The following HNRNPA1L2 variants were observed in gnomAD, a reference collection of about 807,000 sequenced individuals.
The protein encoded by HNRNPA1L2 is heterogeneous nuclear ribonucleoprotein A1-like 2.
HNRNPA1L2 carries 10 observed loss-of-function variants against 18.2 expected under a neutral mutation model. The ratio of observed to expected loss-of-function variants is 0.55; its 90% CI spans 0.34 to 0.93. HNRNPA1L2 has a LOEUF of 0.93. HNRNPA1L2 is among the 40% of genes least tolerant of loss of function. The probability of loss-of-function intolerance (pLI) is 0.02; values close to 1 mark genes in which losing one functional copy is unlikely to be tolerated. For missense variants in HNRNPA1L2, 308 were observed against 394.4 expected (o/e 0.78, Z 1.85); for synonymous variants, 124 against 138.6 (o/e 0.89, Z 0.74).
chr13:52,634,381 T>G, the HNRNPA1L2 span, among the ~76,000 whole-genome samples: 1 of 152,204 alleles, frequency 6.6e-6, no homozygotes, highest in East Asian at 1.9e-4. Context: ...CAAGAAGGCA[T>G]TTAAATTTTA....
At chr13:52,630,864 A>G in the HNRNPA1L2 span, among the ~76,000 whole-genome samples, 1 of 152,334 alleles carries the variant, frequency 6.6e-6, no homozygotes, top group South Asian at 2.1e-4. Flanking sequence ...AAGAATGTTT[A>G]ACTGAGTCAG....
At chr13:52,639,694 CAA>C (rs10661534), upstream of HNRNPA1L2, among the ~76,000 whole-genome samples, 16 of 73,530 alleles carry the variant, frequency 2.2e-4, no homozygotes, top group Admixed American at 1.1e-3. Context: ...GACCCTGTCT[CAA>C]AAAAAAAAAA....
chr13:52,642,823 G>A lies in HNRNPA1L2; in HGVS notation c.331G>A (p.Gly111Ser). The change falls in exon 1 of 1, where the codon GGC (glycine) becomes AGC (serine). Residue 111 changes from glycine to serine, a missense_variant. By Grantham distance (56) the Gly-to-Ser change is moderately conservative. Transcript: ENST00000357495. Reference sequence around the variant, plus strand: ...AACTGTGAAAAAGATATTTGTTGGTGGCATTAAAGAAGACACTGAAGAACA... The same window carrying A: ...AACTGTGAAAAAGATATTTGTTGGTAGCATTAAAGAAGACACTGAAGAACA... ...HLTVKKIFVGGIKEDTEEHHL... is the reference protein window; with the variant it reads ...HLTVKKIFVGSIKEDTEEHHL... 4 of 1,596,036 alleles carry A rather than the reference G, an allele frequency of 2.5e-6. No homozygotes were observed. The highest frequency in any genetic ancestry group is 3.4e-6 in the Non-Finnish European group (4 of 1,179,216).
the HNRNPA1L2 span, among the ~76,000 whole-genome samples, chr13:52,636,960 T>C: frequency 6.6e-5 from 10 of 152,282 alleles, no homozygotes; most frequent in African/African-American, 2.4e-4. Context: ...GCCTCCCAAG[T>C]AGCTGGGATT....
Position 52,643,142 on chromosome 13 carries a change from G to A in HNRNPA1L2, c.650G>A (p.Gly217Asp). The A allele has an allele frequency of 1.3e-6, 2 of 1,598,078 alleles. No individual in the cohort carries two copies. The highest frequency in any genetic ancestry group is 1.7e-6 in the Non-Finnish European group (2 of 1,179,790). The change falls in exon 1 of 1, where the codon GGT becomes GAT. Residue 217 changes from glycine (G) to aspartate (D), a missense_variant. Gly to Asp is a moderately conservative substitution (Grantham distance 94). Transcript: ENST00000357495. Reference protein sequence around the residue: ...GDGFGGNDNFGRGGNFSGRGG... With the variant: ...GDGFGGNDNFDRGGNFSGRGG... Reference sequence around the variant, plus strand: ...GGTTTCGGTGGGAATGACAACTTTGGTCGTGGAGGAAACTTCAGTGGTCGT... The same window carrying A: ...GGTTTCGGTGGGAATGACAACTTTGATCGTGGAGGAAACTTCAGTGGTCGT...
chr13:52,637,179 T>C, the HNRNPA1L2 span: 1 of 152,748 alleles, frequency 6.5e-6, no homozygotes, highest in African/African-American at 2.4e-5. Flanking sequence ...AGTAACTTTT[T>C]ATTATATACT....
chr13:52,640,901 C>G (rs1220753538), upstream of HNRNPA1L2: 1 of 152,210 alleles, frequency 6.6e-6, no homozygotes, highest in Non-Finnish European at 1.5e-5. Context: ...TTCCATGGCT[C>G]AGTCACATCT....
the HNRNPA1L2 span, among the ~76,000 whole-genome samples, chr13:52,635,039 CAATT>C: frequency 6.6e-6 from 1 of 152,126 alleles, no homozygotes; most frequent in African/African-American, 2.4e-5. Context: ...ATAACTGAGA[CAATT>C]AAGTTATTTC....
chr13:52,620,993 C>G, the HNRNPA1L2 span, among the ~76,000 whole-genome samples: 2 of 152,080 alleles, frequency 1.3e-5, no homozygotes, highest in Non-Finnish European at 2.9e-5. Flanking sequence ...TTGTCAGTAC[C>G]TAGTATAGTG....
chr13:52,642,354 A>G (rs1359841481), upstream of HNRNPA1L2: 1 of 1,172,672 alleles, frequency 8.5e-7, no homozygotes, highest in Non-Finnish European at 1.2e-6. Context: ...TGAAAAATGT[A>G]TTTATTTCCC....
chr13:52,639,877 T>G (rs9536210), upstream of HNRNPA1L2, among the ~76,000 whole-genome samples: 6,883 of 95,006 alleles, frequency 0.072, 248 homozygotes, highest in African/African-American at 0.11. Flanking sequence ...GTTGTTCTTG[T>G]TTTTTTTTTT....
chr13:52,622,415 C>G, the HNRNPA1L2 span, among the ~76,000 whole-genome samples: 14 of 152,160 alleles, frequency 9.2e-5, no homozygotes, highest in South Asian at 1.5e-3. Flanking sequence ...CACAGGGAGT[C>G]TAATAATTAC....
At chr13:52,623,418 C>T in the HNRNPA1L2 span, among the ~76,000 whole-genome samples, 35 of 152,180 alleles carry the variant, frequency 2.3e-4, no homozygotes, top group Non-Finnish European at 5.0e-4. Context: ...ATCTCACATT[C>T]TTGCTCCACT....
chr13:52,624,939 G>C, the HNRNPA1L2 span, among the ~76,000 whole-genome samples: 1 of 151,992 alleles, frequency 6.6e-6, no homozygotes, highest in Non-Finnish European at 1.5e-5. Flanking sequence ...GCTGAGGTGG[G>C]AGAATCCCTT....
the HNRNPA1L2 span, among the ~76,000 whole-genome samples, chr13:52,622,790 G>T: frequency 6.6e-6 from 1 of 151,820 alleles, no homozygotes; most frequent in African/African-American, 2.4e-5. Flanking sequence ...ACTTGTGCTT[G>T]TCAAAAGAGT....
At chr13:52,629,714 T>A in the HNRNPA1L2 span, among the ~76,000 whole-genome samples, 1 of 152,232 alleles carries the variant, frequency 6.6e-6, no homozygotes. Context: ...CCTAATACTG[T>A]GTATTCATTT....
the HNRNPA1L2 span, among the ~76,000 whole-genome samples, chr13:52,625,595 T>C: frequency 4.6e-5 from 7 of 152,188 alleles, no homozygotes; most frequent in Non-Finnish European, 7.3e-5. Flanking sequence ...AATGCATGAT[T>C]CTGAAAAATG....
At chr13:52,621,293 G>A in the HNRNPA1L2 span, among the ~76,000 whole-genome samples, 1 of 152,234 alleles carries the variant, frequency 6.6e-6, no homozygotes, top group Non-Finnish European at 1.5e-5. Context: ...TTTCTTTTCT[G>A]TTCCATTTTA....
the HNRNPA1L2 span, among the ~76,000 whole-genome samples, chr13:52,621,254 C>T: frequency 6.6e-6 from 1 of 152,042 alleles, no homozygotes; most frequent in Non-Finnish European, 1.5e-5. Flanking sequence ...ATGAGGAAAG[C>T]AAAAATGACA....
Sources: gnomAD v4.1 joint callset for allele counts (sites outside exome capture counted in the v4.1 genomes callset) on GRCh38, gnomAD v4.1.1 for gene constraint, MANE v1.5 for transcripts, NCBI Gene and HGNC (gene_info 2026-07-23, HGNC 2026-07-21) for gene names.